The following UBE2W variants were observed in gnomAD, a reference collection of about 807,000 sequenced individuals.
The protein encoded by UBE2W is ubiquitin conjugating enzyme E2 W, also known as ubiquitin-conjugating enzyme E2 W.
A neutral mutation model predicts 27.2 loss-of-function variants in UBE2W; 18 were observed. The ratio of observed to expected loss-of-function variants is 0.66; its 90% CI spans 0.46 to 0.98. The LOEUF is 0.98. UBE2W is among the 50% of genes least tolerant of loss of function. The probability of loss-of-function intolerance (pLI) is 0.00; values close to 1 mark genes in which losing one functional copy is unlikely to be tolerated. For synonymous variants in UBE2W, 53 were observed against 57.2 expected (o/e 0.93, Z 0.33); for missense variants, 90 against 180.2 (o/e 0.50, Z 2.87).
chr8:73,805,755 G>T (rs370818727), intron 4 of UBE2W, 29 bp from the exon 5 acceptor site: 72 of 1,279,152 alleles, frequency 5.6e-5, no homozygotes, highest in Non-Finnish European at 7.2e-5. Flanking sequence ...TAAATAGGTT[G>T]AAAAACAGAA....
At chr8:73,849,983 A>G (rs1209982573) in intron 1 of UBE2W, among the ~76,000 whole-genome samples, 1 of 152,226 alleles carries the variant, frequency 6.6e-6, no homozygotes, top group African/African-American at 2.4e-5. Context: ...ACTTAGTAAC[A>G]ACCTCAAAAT....
At chr8:73,866,593 AT>A (rs1811783371) in intron 1 of UBE2W, among the ~76,000 whole-genome samples, 1 of 152,014 alleles carries the variant, frequency 6.6e-6, no homozygotes, top group Non-Finnish European at 1.5e-5. Flanking sequence ...GAATTATTAT[AT>A]TTTTGGAAAA....
chr8:73,848,928 C>T (rs1810937872), intron 1 of UBE2W, among the ~76,000 whole-genome samples: 1 of 152,026 alleles, frequency 6.6e-6, no homozygotes, highest in Non-Finnish European at 1.5e-5. Flanking sequence ...CTAAAATTGA[C>T]TGGTGATAGT....
intron 5 of UBE2W, among the ~76,000 whole-genome samples, chr8:73,797,356 A>G (rs962365707): frequency 3.3e-5 from 5 of 152,248 alleles, no homozygotes; most frequent in Non-Finnish European, 7.3e-5. Context: ...TCCAAGAAAG[A>G]GAAAATATTT....
At chr8:73,855,683 G>A (rs1432964433) in intron 1 of UBE2W, among the ~76,000 whole-genome samples, 1 of 152,118 alleles carries the variant, frequency 6.6e-6, no homozygotes, top group Non-Finnish European at 1.5e-5. Context: ...TAGGATTACA[G>A]GCGTGAGCCA....
rs1267009880 is a variant in UBE2W at position 73,788,633 on chromosome 8, A to G, written c.*5469T>C. On this transcript the variant is annotated 3_prime_UTR_variant, in exon 6 of 6. Coordinates refer to ENST00000602593, the MANE Select transcript of UBE2W (RefSeq NM_018299.6). ...AATTGTAAGTTTCAGGCTTCAAAAG[A>G]GGCAGGATTATTAAATCTTTCCATA... 2.0e-6 allele frequency: 2 copies of G among 985,324 alleles called. No individual in the cohort carries two copies. The highest frequency in any genetic ancestry group is 1.7e-5 in the African/African-American group (1 of 57,244). The allele number at this position is 985,324 out of a possible 1,614,324, so 61.0% of individuals were successfully genotyped here.
intron 1 of UBE2W, among the ~76,000 whole-genome samples, chr8:73,861,437 G>C (rs1322337013): frequency 6.6e-6 from 1 of 152,080 alleles, no homozygotes; most frequent in Non-Finnish European, 1.5e-5. Context: ...TCTTGGTACG[G>C]GGCCCTGATA....
At chr8:73,877,151 C>G (rs950648077) in intron 1 of UBE2W, among the ~76,000 whole-genome samples, 5 of 152,124 alleles carry the variant, frequency 3.3e-5, no homozygotes, top group African/African-American at 1.2e-4. Flanking sequence ...AATCTTAATA[C>G]AGATAATAAT....
rs1808302596 is a variant in UBE2W at position 73,793,873 on chromosome 8, G to A, written c.*229C>T. 1 of 1,257,900 alleles carries A rather than the reference G, an allele frequency of 7.9e-7. No individual in the cohort carries two copies. Among genetic ancestry groups the A allele is most frequent in the Non-Finnish European group, 1.0e-6 (1 of 994,410 alleles). 77.9% of individuals were successfully genotyped at this position (1,257,900 alleles called of 1,614,324 possible). A position where few individuals can be genotyped will look rare whatever the true frequency, so the allele number is the denominator to read the frequency against. ...AATGGAATTATATTTGACATTTCCT[G>A]ACACCTGCATTAATACTGTATGACT... On this transcript the variant is annotated 3_prime_UTR_variant, in exon 6 of 6. Coordinates refer to ENST00000602593, the MANE Select transcript of UBE2W (RefSeq NM_018299.6).
At chr8:73,855,372 C>T (rs1208181659) in intron 1 of UBE2W, among the ~76,000 whole-genome samples, 1 of 142,434 alleles carries the variant, frequency 7.0e-6, no homozygotes, top group African/African-American at 2.6e-5. Flanking sequence ...TGATTTGATA[C>T]TTCATCTTTA....
chr8:73,873,237 C>T (rs1812079913), intron 1 of UBE2W, among the ~76,000 whole-genome samples: 1 of 152,050 alleles, frequency 6.6e-6, no homozygotes, highest in Non-Finnish European at 1.5e-5. Flanking sequence ...ATGTTGTAAC[C>T]CTTCCATACT....
chr8:73,835,451 T>A (rs1810267761), intron 1 of UBE2W, among the ~76,000 whole-genome samples: 1 of 152,140 alleles, frequency 6.6e-6, no homozygotes, highest in Non-Finnish European at 1.5e-5. Context: ...TTAAAAACTA[T>A]GGTTTCTGTG....
At position 73,789,018 on chromosome 8, in the gene UBE2W, CAA is replaced by C. The variant is rs148054865; in HGVS notation, c.*5082_*5083del. The C allele has an allele frequency of 8.3e-3, 8,206 of 983,472 alleles. 379 individuals are homozygous for C. In the African/African-American group the frequency reaches 0.11, roughly 14 times the overall value. 60.9% of individuals were successfully genotyped at this position (983,472 alleles called of 1,614,324 possible). A position where few individuals can be genotyped will look rare whatever the true frequency, so the allele number is the denominator to read the frequency against. On this transcript the variant is annotated 3_prime_UTR_variant, in exon 6 of 6. Coordinates refer to ENST00000602593, the MANE Select transcript of UBE2W (RefSeq NM_018299.6). ...CATTCTAGAGACTCATCACAAAATA[CAA>C]GTCACAATATTAACATATGAAAATT...
intron 3 of UBE2W, among the ~76,000 whole-genome samples, chr8:73,814,487 A>G (rs1417704349): frequency 1.3e-5 from 2 of 152,196 alleles, no homozygotes; most frequent in Non-Finnish European, 2.9e-5. Context: ...TCTTAGACCG[A>G]ATGTACATGA....
At chr8:73,873,961 T>A (rs1473714631) in intron 1 of UBE2W, among the ~76,000 whole-genome samples, 2 of 152,222 alleles carry the variant, frequency 1.3e-5, no homozygotes, top group African/African-American at 4.8e-5. Context: ...GGAGGTTTTA[T>A]CTAAAATTAA....
chr8:73,863,685 G>A (rs2929502), intron 1 of UBE2W, among the ~76,000 whole-genome samples: 1 of 152,062 alleles, frequency 6.6e-6, no homozygotes, highest in African/African-American at 2.4e-5. Context: ...TTGAACCTGA[G>A]AGGTGGAGGG....
At chr8:73,815,686 C>T (rs185191667) in intron 3 of UBE2W, among the ~76,000 whole-genome samples, 58 of 152,260 alleles carry the variant, frequency 3.8e-4, no homozygotes, top group African/African-American at 1.3e-3. Flanking sequence ...ACTGTTCAGA[C>T]TAGAGTTGCA....
Position 73,790,869 on chromosome 8 carries a change from C to T in UBE2W, c.*3233G>A. The T allele has an allele frequency of 1.0e-6, 1 of 985,106 alleles. No individual in the cohort carries two copies. The highest frequency in any genetic ancestry group is 1.2e-6 in the Non-Finnish European group (1 of 829,744). 61.0% of individuals were successfully genotyped at this position (985,106 alleles called of 1,614,324 possible). A position where few individuals can be genotyped will look rare whatever the true frequency, so the allele number is the denominator to read the frequency against. On this transcript the variant is annotated 3_prime_UTR_variant, in exon 6 of 6. Coordinates refer to ENST00000602593, the MANE Select transcript of UBE2W (RefSeq NM_018299.6). Reference sequence around the variant, plus strand: ...GAAACAATTAAGCAGTCACTAGACACCTGTTTTAGAATCTGAAGAAATTAT... The same window carrying T: ...GAAACAATTAAGCAGTCACTAGACATCTGTTTTAGAATCTGAAGAAATTAT...
chr8:73,787,414 T>C lies in UBE2W; in HGVS notation c.*6688A>G, dbSNP rs1586428477. 3.0e-6 allele frequency: 3 copies of C among 985,180 alleles called. No homozygotes were observed. The East Asian group carries it at 3.4e-4, about 112-fold the overall frequency. The allele number at this position is 985,180 out of a possible 1,614,324, so 61.0% of individuals were successfully genotyped here. Reference sequence around the variant, plus strand: ...AAATCCTACTATGGAAAGTAGAAATTAAGGATTATAATAAAGGAAAAGGGC... The same window carrying C: ...AAATCCTACTATGGAAAGTAGAAATCAAGGATTATAATAAAGGAAAAGGGC... On this transcript the variant is annotated 3_prime_UTR_variant, in exon 6 of 6. Transcript: ENST00000602593.
Sources: gnomAD v4.1 joint callset for allele counts (sites outside exome capture counted in the v4.1 genomes callset) on GRCh38, gnomAD v4.1.1 for gene constraint, MANE v1.5 for transcripts, NCBI Gene and HGNC (gene_info 2026-07-23, HGNC 2026-07-21) for gene names.